Variants in IKBIP observed in about 807,000 individuals in gnomAD.
The protein encoded by IKBIP is inhibitor of nuclear factor kappa-B kinase-interacting protein.
In IKBIP, 28 loss-of-function variants were observed where a neutral mutation model predicts 31.0. That is an observed-to-expected ratio of 0.90 (90% CI 0.67 to 1.24). IKBIP has a LOEUF of 1.24. IKBIP is among the 50% of genes most tolerant of loss of function. IKBIP has a pLI of 0.00. For synonymous variants in IKBIP, 164 were observed against 160.3 expected (o/e 1.02, Z -0.17); for missense variants, 453 against 441.9 (o/e 1.03, Z -0.23).
At chr12:98,639,413 A>T (rs191381268) in intron 1 of IKBIP, among the ~76,000 whole-genome samples, 49 of 152,324 alleles carry the variant, frequency 3.2e-4, no homozygotes, top group African/African-American at 1.1e-3. Context: ...TCACTAAATA[A>T]AAATAACTCT....
chr12:98,623,844 T>A (rs2153295945), downstream of IKBIP, among the ~76,000 whole-genome samples: 1 of 151,366 alleles, frequency 6.6e-6, no homozygotes, highest in South Asian at 2.1e-4. Context: ...TTTGAAATTT[T>A]AAGCATCTGT....
In IKBIP at chr12:98,625,694, T is replaced by C. The variant is rs2097613586; in HGVS notation, c.*236A>G. On this transcript the variant is annotated 3_prime_UTR_variant, in exon 3 of 3. Coordinates refer to ENST00000299157, the MANE Select transcript of IKBIP (RefSeq NM_153687.4). ...AACATTAAAAATATTAAGTATCTTG[T>C]TTTAAAAGTAGAGAAATATTTTTAA... The C allele has an allele frequency of 4.0e-6, 1 of 252,186 alleles. No individual in the cohort carries two copies. Among genetic ancestry groups the C allele is most frequent in the Non-Finnish European group, 7.4e-6 (1 of 135,434 alleles). The allele number at this position is 252,186 out of a possible 1,614,324, so 15.6% of individuals were successfully genotyped here.
At position 98,644,747 on chromosome 12, in the gene IKBIP, G is replaced by C. The variant is rs187496717; in HGVS notation, c.-46C>G. On this transcript the variant is annotated 5_prime_UTR_variant, in exon 1 of 3. Coordinates refer to ENST00000299157, the MANE Select transcript of IKBIP (RefSeq NM_153687.4). ...CAAGCCCAGGGCAGCTTCTTCACCAGGGGGAGCAGGACGTGGCCGCCTTGG... is the reference window on the plus strand; with the variant it reads ...CAAGCCCAGGGCAGCTTCTTCACCACGGGGAGCAGGACGTGGCCGCCTTGG... The C allele has an allele frequency of 1.2e-3, 1,909 of 1,567,278 alleles. 1 individual carries two copies. Among genetic ancestry groups the C allele is most frequent in the Non-Finnish European group, 1.4e-3 (1,618 of 1,163,392 alleles).
chr12:98,644,755 A>G lies in IKBIP; in HGVS notation c.-54T>C, dbSNP rs2097637163. ...GGGCAGCTTCTTCACCAGGGGGAGC[A>G]GGACGTGGCCGCCTTGGCGTTCGTG... On this transcript the variant is annotated 5_prime_UTR_variant, in exon 1 of 3. Transcript: ENST00000299157. 2 of 1,557,490 alleles carry G rather than the reference A, an allele frequency of 1.3e-6. No individual in the cohort carries two copies. Among genetic ancestry groups the G allele is most frequent in the African/African-American group, 2.8e-5 (2 of 70,600 alleles).
Position 98,624,399 on chromosome 12 carries a change from A to G in IKBIP, c.*1531T>C. 3 of 985,410 alleles carry G rather than the reference A, an allele frequency of 3.0e-6. No individual in the cohort carries two copies. Among genetic ancestry groups the G allele is most frequent in the Non-Finnish European group, 3.6e-6 (3 of 829,912 alleles). 61.0% of individuals were successfully genotyped at this position (985,410 alleles called of 1,614,324 possible). A position where few individuals can be genotyped will look rare whatever the true frequency, so the allele number is the denominator to read the frequency against. ...ATGCCCCTTAATAACAGAACTCTCCAGGCTTATTTTCATGATTCACGCTGT... is the reference window on the plus strand; with the variant it reads ...ATGCCCCTTAATAACAGAACTCTCCGGGCTTATTTTCATGATTCACGCTGT... On this transcript the variant is annotated 3_prime_UTR_variant, in exon 3 of 3. Transcript: ENST00000299157.
downstream of IKBIP, among the ~76,000 whole-genome samples, chr12:98,623,002 A>G (rs2097611275): frequency 6.7e-6 from 1 of 149,880 alleles, no homozygotes; most frequent in African/African-American, 2.5e-5. Flanking sequence ...TTTTTTTGAG[A>G]TGGAGTCTCA....
intron 2 of IKBIP, among the ~76,000 whole-genome samples, chr12:98,617,323 G>T (rs2097606836): frequency 6.6e-6 from 1 of 152,166 alleles, no homozygotes; most frequent in Non-Finnish European, 1.5e-5. Flanking sequence ...TATACATTAT[G>T]AACTGAAAGC....
intron 2 of IKBIP, among the ~76,000 whole-genome samples, chr12:98,615,031 C>T (rs2097605505): frequency 6.6e-6 from 1 of 152,108 alleles, no homozygotes; most frequent in Non-Finnish European, 1.5e-5. Flanking sequence ...GACAAGGCAA[C>T]ATAAGTTCTT....
At chr12:98,618,641 A>C (rs1026332188) in intron 2 of IKBIP, among the ~76,000 whole-genome samples, 2 of 151,034 alleles carry the variant, frequency 1.3e-5, no homozygotes, top group African/African-American at 4.9e-5. Flanking sequence ...AAAAAAAAAA[A>C]ATTTGAGATG....
intron 2 of IKBIP, among the ~76,000 whole-genome samples, chr12:98,629,497 T>A (rs2097617945): frequency 6.6e-6 from 1 of 152,134 alleles, no homozygotes; most frequent in African/African-American, 2.4e-5. Flanking sequence ...AGTTCAGGGT[T>A]GCAGTGAGCT....
exon 3 of IKBIP, chr12:98,614,070 T>G: frequency 1.2e-6 from 2 of 1,612,642 alleles, no homozygotes; most frequent in Non-Finnish European, 1.7e-6. Flanking sequence ...GTCAATGATA[T>G]TACATCAGTT....
downstream of IKBIP, among the ~76,000 whole-genome samples, chr12:98,623,476 C>T (rs891786582): frequency 1.6e-4 from 24 of 150,296 alleles, no homozygotes; most frequent in Admixed American, 1.1e-3. Flanking sequence ...AACTCCTGAG[C>T]TCAAGCGATC....
In IKBIP at chr12:98,626,432, C is replaced by A; in HGVS notation, c.632G>T (p.Arg211Ile). 6.2e-7 allele frequency: 1 copy of A among 1,613,254 alleles called. No individual in the cohort carries two copies. The highest frequency in any genetic ancestry group is 8.5e-7 in the Non-Finnish European group (1 of 1,180,010). ...TTGTCTTTTTACTGTTCTAATATTT[C>A]TTAGTGTGCTATCTTCCAAATCTTT... Reference protein sequence around the residue: ...RLKDLEDSTLRNIRTVKRQEE... With the variant: ...RLKDLEDSTLINIRTVKRQEE... The change falls in exon 3 of 3, where the codon AGA (arginine) becomes ATA (isoleucine). Residue 211 changes from arginine to isoleucine, a missense_variant. By Grantham distance (97) the Arg-to-Ile change is moderately conservative. Transcript: ENST00000299157.
chr12:98,621,031 T>G (rs1015999423), downstream of IKBIP, among the ~76,000 whole-genome samples: 2 of 152,038 alleles, frequency 1.3e-5, no homozygotes, highest in African/African-American at 4.8e-5. Context: ...GTGGATCACC[T>G]GAGGTCAGGA....
intron 2 of IKBIP, among the ~76,000 whole-genome samples, chr12:98,630,274 A>ACTTGGGAG (rs1451735469): frequency 6.7e-6 from 1 of 149,256 alleles, no homozygotes; most frequent in African/African-American, 2.5e-5. Context: ...AATCCCAGCT[A>ACTTGGGAG]CTTGGGAGGC....
At chr12:98,630,938 A>T (rs5800358) in intron 2 of IKBIP, among the ~76,000 whole-genome samples, 330 of 4,034 alleles carry the variant, frequency 0.082, 1 homozygote, top group African/African-American at 0.39. Flanking sequence ...TTTTCTTTTC[A>T]TTTTTTTTTT....
intron 1 of IKBIP, among the ~76,000 whole-genome samples, chr12:98,636,037 G>T (rs1027376063): frequency 2.0e-5 from 3 of 152,192 alleles, no homozygotes; most frequent in African/African-American, 7.2e-5. Context: ...AAGCATAAAA[G>T]AATTGTCTTG....
At chr12:98,614,252 A>G in exon 3 of IKBIP, 1 of 1,612,412 alleles carries the variant, frequency 6.2e-7, no homozygotes, top group Non-Finnish European at 8.5e-7. Flanking sequence ...CCAAGTTTTT[A>G]CCTCATTAAT....
At position 98,644,751 on chromosome 12, in the gene IKBIP, G is replaced by A. The variant is rs1384959354; in HGVS notation, c.-50C>T. The A allele has an allele frequency of 1.9e-6, 3 of 1,562,976 alleles. No homozygotes were observed. Among genetic ancestry groups the A allele is most frequent in the South Asian group, 2.3e-5 (2 of 85,368 alleles). ...CCCAGGGCAGCTTCTTCACCAGGGG[G>A]AGCAGGACGTGGCCGCCTTGGCGTT... is the stretch of plus-strand genomic sequence containing the variant. On this transcript the variant is annotated 5_prime_UTR_variant, in exon 1 of 3. Coordinates refer to ENST00000299157, the MANE Select transcript of IKBIP (RefSeq NM_153687.4).
Sources: allele counts gnomAD v4.1 joint callset (sites outside exome capture counted in the v4.1 genomes callset), GRCh38; gene constraint gnomAD v4.1.1; transcripts MANE v1.5; gene names NCBI Gene and HGNC (gene_info 2026-07-23, HGNC 2026-07-21).